The following FAR1 variants were observed in gnomAD, a reference collection of about 807,000 sequenced individuals.
The protein encoded by FAR1 is male sterility domain-containing protein 2.
In FAR1, 22 loss-of-function variants were observed where a neutral mutation model predicts 61.1. The ratio of observed to expected loss-of-function variants is 0.36; its 90% CI spans 0.26 to 0.51. The LOEUF (loss-of-function observed/expected upper bound fraction) is 0.51. Among genes scored for constraint, FAR1 ranks in the 20% least tolerant of loss-of-function variants. FAR1 has a pLI of 0.95. For synonymous variants in FAR1, 206 were observed against 209.7 expected (o/e 0.98, Z 0.15); for missense variants, 359 against 626.9 (o/e 0.57, Z 4.56).
At chr11:13,724,993 C>T (rs984651378) in intron 10 of FAR1, among the ~76,000 whole-genome samples, 2 of 152,198 alleles carry the variant, frequency 1.3e-5, no homozygotes, top group Non-Finnish European at 1.5e-5. Flanking sequence ...CCTCCTCTGT[C>T]TTCCCAGAGG....
At position 13,681,505 on chromosome 11, in the gene FAR1, G is replaced by A. The variant is rs188874864; in HGVS notation, c.-8+12699G>A. ...TCTTGTAAATCACTTGTAGCCAATA[G>A]AATGTGGCAGAAAATTACACTGTAT... is the stretch of plus-strand genomic sequence containing the variant. On this transcript the variant is annotated intron_variant, in intron 1 of 11. Coordinates refer to ENST00000354817, the MANE Select transcript of FAR1 (RefSeq NM_032228.6). Among the ~76,000 whole-genome samples, 427 of 152,328 alleles carry A rather than the reference G, an allele frequency of 2.8e-3. 7 individuals carry two copies. The highest frequency in any genetic ancestry group is 2.0e-3 in the Non-Finnish European group (136 of 68,030).
At chr11:13,718,822 TA>T (rs1848580152) in intron 9 of FAR1, among the ~76,000 whole-genome samples, 1 of 151,756 alleles carries the variant, frequency 6.6e-6, no homozygotes, top group Admixed American at 6.6e-5. Context: ...GAGGGAGTGG[TA>T]AAGGGGGGAA....
At chr11:13,728,269 G>A (rs1848686512) in intron 11 of FAR1, among the ~76,000 whole-genome samples, 1 of 151,710 alleles carries the variant, frequency 6.6e-6, no homozygotes, top group Non-Finnish European at 1.5e-5. Context: ...TTGGATAAGG[G>A]CTTATCCACT....
intron 2 of FAR1, among the ~76,000 whole-genome samples, chr11:13,698,826 G>T (rs533624740): frequency 6.7e-6 from 1 of 148,374 alleles, no homozygotes; most frequent in South Asian, 2.1e-4. Flanking sequence ...GCAAGACTCC[G>T]TCTCAAAAAA....
intron 2 of FAR1, among the ~76,000 whole-genome samples, chr11:13,699,482 T>G (rs139780363): frequency 2.0e-5 from 3 of 152,210 alleles, no homozygotes; most frequent in African/African-American, 7.2e-5. Flanking sequence ...AGCACTGATA[T>G]GTTATATAGA....
chr11:13,682,239 T>C (rs994019563), intron 1 of FAR1, among the ~76,000 whole-genome samples: 1 of 152,174 alleles, frequency 6.6e-6, no homozygotes, highest in African/African-American at 2.4e-5. Context: ...TCAGTAACAA[T>C]AGTAGTAGTG....
At chr11:13,726,344 A>G (rs1848666634) in intron 10 of FAR1, among the ~76,000 whole-genome samples, 1 of 152,062 alleles carries the variant, frequency 6.6e-6, no homozygotes, top group Non-Finnish European at 1.5e-5. Context: ...AATATCCTTA[A>G]GTTTACTTTC....
intron 2 of FAR1, among the ~76,000 whole-genome samples, chr11:13,699,631 C>T (rs574379979): frequency 5.3e-5 from 8 of 152,282 alleles, no homozygotes; most frequent in Admixed American, 3.3e-4. Context: ...AAACTTGACT[C>T]ACAATTGAAT....
At chr11:13,722,858 CTATA>C (rs71041542) in intron 10 of FAR1, among the ~76,000 whole-genome samples, 25,977 of 147,690 alleles carry the variant, frequency 0.18, 2,475 homozygotes, top group Non-Finnish European at 0.2. Flanking sequence ...CTCTCTCTCT[CTATA>C]TATATATATA....
At chr11:13,704,627 G>A (rs1395349389) in intron 3 of FAR1, among the ~76,000 whole-genome samples, 2 of 152,130 alleles carry the variant, frequency 1.3e-5, no homozygotes, top group African/African-American at 4.8e-5. Context: ...AACCATTGCT[G>A]TCAGAATCAG....
chr11:13,699,320 C>T (rs1452293338), intron 2 of FAR1, among the ~76,000 whole-genome samples: 2 of 152,122 alleles, frequency 1.3e-5, no homozygotes, highest in East Asian at 3.8e-4. Context: ...CTGCCTGGCT[C>T]ATATGAAATA....
chr11:13,690,947 A>G (rs1426721551), intron 1 of FAR1, among the ~76,000 whole-genome samples: 1 of 152,160 alleles, frequency 6.6e-6, no homozygotes, highest in African/African-American at 2.4e-5. Flanking sequence ...CCAATTCTTG[A>G]TGGTTTTTTA....
At chr11:13,701,850 G>A (rs1848379385) in intron 3 of FAR1, among the ~76,000 whole-genome samples, 1 of 152,074 alleles carries the variant, frequency 6.6e-6, no homozygotes, top group Non-Finnish European at 1.5e-5. Flanking sequence ...AGCTGAGGCA[G>A]CATTGTAATG....
In FAR1 at chr11:13,727,642, A is replaced by G; in HGVS notation, c.1344A>G (p.Glu448=). 1 of 1,610,422 alleles carries G rather than the reference A, an allele frequency of 6.2e-7. No individual in the cohort carries two copies. The highest frequency in any genetic ancestry group is 1.7e-5 in the Admixed American group (1 of 59,688). The change falls in exon 11 of 12, where the codon GAA becomes GAG. Residue 448 remains glutamate (E), a synonymous_variant. Transcript: ENST00000354817. The part of the protein sequence containing the change: ...CLGTKKYVLN[E]EMSGLPAARK... ...GAACTAAGAAGTACGTATTGAATGA[A>G]GAAATGTCTGGCCTCCCTGCAGCCA...
intron 1 of FAR1, among the ~76,000 whole-genome samples, chr11:13,690,703 C>T (rs950906161): frequency 1.3e-5 from 2 of 152,036 alleles, no homozygotes; most frequent in Non-Finnish European, 2.9e-5. Flanking sequence ...TTTGTCTTGG[C>T]TAATCTTGGC....
chr11:13,702,952 A>G (rs557049700), intron 3 of FAR1, among the ~76,000 whole-genome samples: 10 of 152,350 alleles, frequency 6.6e-5, no homozygotes, highest in Admixed American at 1.3e-4. Flanking sequence ...TAGAGATGCC[A>G]TAGCAGAAGG....
rs1848454351 is a variant in FAR1 at position 13,708,099 on chromosome 11, A to G, written c.545+20A>G. ...TTTAGAGTATGTTTGTTTGAAATTTATATACATTTACTTTGATCCCAAAAG... is the reference window on the plus strand; with the variant it reads ...TTTAGAGTATGTTTGTTTGAAATTTGTATACATTTACTTTGATCCCAAAAG... On this transcript the variant is annotated intron_variant, in intron 4 of 11. Coordinates refer to ENST00000354817, the MANE Select transcript of FAR1 (RefSeq NM_032228.6). The G allele has an allele frequency of 6.5e-7, 1 of 1,538,046 alleles. No homozygotes were observed. The highest frequency in any genetic ancestry group is 1.3e-5 in the South Asian group (1 of 79,030).
At position 13,730,637 on chromosome 11, in the gene FAR1, C is replaced by T. The variant is rs553771612; in HGVS notation, c.*1863C>T. The T allele has an allele frequency of 3.3e-5, 5 of 152,062 alleles. No individual in the cohort carries two copies. The highest frequency in any genetic ancestry group is 2.6e-4 in the Admixed American group (4 of 15,258). The allele number at this position is 152,062 out of a possible 1,614,324, so 9.4% of individuals were successfully genotyped here. A position where few individuals can be genotyped will look rare whatever the true frequency, so the allele number is the denominator to read the frequency against. ...ATTTGTATGATTTTTATACTTCTGCCGAATAGACTTAGAATCAGATGAATT... is the reference window on the plus strand; with the variant it reads ...ATTTGTATGATTTTTATACTTCTGCTGAATAGACTTAGAATCAGATGAATT... On this transcript the variant is annotated 3_prime_UTR_variant, in exon 12 of 12. Transcript: ENST00000354817.
At position 13,681,870 on chromosome 11, in the gene FAR1, C is replaced by T. The variant is rs187518156; in HGVS notation, c.-7-12889C>T. On this transcript the variant is annotated intron_variant, in intron 1 of 11. Coordinates refer to ENST00000354817, the MANE Select transcript of FAR1 (RefSeq NM_032228.6). Reference sequence around the variant, plus strand: ...ACTCCATTCCATACTACTTTCCCATCCATACTTTTAAATTCTGTGCTTTTT... The same window carrying T: ...ACTCCATTCCATACTACTTTCCCATTCATACTTTTAAATTCTGTGCTTTTT... Among the ~76,000 whole-genome samples, 619 of 152,260 alleles carry T rather than the reference C, an allele frequency of 4.1e-3. 1 individual carries two copies. Among genetic ancestry groups the T allele is most frequent in the Non-Finnish European group, 5.9e-3 (403 of 68,010 alleles).
Sources: gnomAD v4.1 joint callset for allele counts (sites outside exome capture counted in the v4.1 genomes callset) on GRCh38, gnomAD v4.1.1 for gene constraint, MANE v1.5 for transcripts, NCBI Gene and HGNC (gene_info 2026-07-23, HGNC 2026-07-21) for gene names.